Variants in HFM1 observed in about 807,000 individuals in gnomAD.
HFM1 encodes probable ATP-dependent DNA helicase HFM1.
Under a neutral mutation model 192.1 loss-of-function variants are expected in HFM1, and 169 were observed. The observed-to-expected ratio is 0.88, with a 90% CI of 0.78 to 1.00. The LOEUF is 1.00. Ranked by LOEUF, HFM1 falls within the 50% of genes least tolerant of loss-of-function variation. The probability of loss-of-function intolerance (pLI) is 0.00; values close to 1 mark genes in which losing one functional copy is unlikely to be tolerated. For missense variants in HFM1, 1,661 were observed against 1,668.0 expected, an observed-to-expected ratio of 1.00 and a Z score of 0.07; for synonymous variants, 525 against 537.8, an observed-to-expected ratio of 0.98 and a Z score of 0.33.
chr1:91,281,966 T>G (rs1667499185), intron 30 of HFM1, among the ~76,000 whole-genome samples: 1 of 152,262 alleles, frequency 6.6e-6, no homozygotes, highest in South Asian at 2.1e-4. Context: ...ATTTTTAAAT[T>G]TTTGTGCCTC....
intron 5 of HFM1, 73 bp from the exon 6 acceptor site, chr1:91,385,307 G>T: frequency 2.1e-6 from 2 of 936,544 alleles, no homozygotes; most frequent in South Asian, 1.5e-5. Context: ...GACCTGAAAT[G>T]AATATTTTTA....
At chr1:91,373,065 A>C (rs1660445837) in intron 13 of HFM1, among the ~76,000 whole-genome samples, 1 of 152,172 alleles carries the variant, frequency 6.6e-6, no homozygotes, top group African/African-American at 2.4e-5. Flanking sequence ...GAAAAGTGTC[A>C]AAATAGTATC....
At position 91,351,649 on chromosome 1, in the gene HFM1, G is replaced by A. The variant is rs748207089; in HGVS notation, c.1978-6C>T. On this transcript the variant is annotated splice_polypyrimidine_tract_variant and splice_region_variant and intron_variant, in intron 16 of 38. Transcript: ENST00000370425. ...GCAGTAGCTGTAGTGTCAAACTGGG[G>A]AGAAAACAAACAGAAATTTAGTGAA... 3.9e-6 allele frequency: 6 copies of A among 1,535,636 alleles called. No individual in the cohort carries two copies. Among genetic ancestry groups the A allele is most frequent in the Non-Finnish European group, 4.5e-6 (5 of 1,122,018 alleles).
intron 3 of HFM1, among the ~76,000 whole-genome samples, chr1:91,396,025 A>C (rs1310152218): frequency 6.6e-6 from 1 of 151,682 alleles, no homozygotes; most frequent in Non-Finnish European, 1.5e-5. Context: ...GTTTTTTTGT[A>C]TTTTTAGTAG....
At chr1:91,343,326 G>T in intron 20 of HFM1, 104 bp downstream of exon 20, 1 of 529,358 alleles carries the variant, frequency 1.9e-6, no homozygotes, top group East Asian at 3.8e-5. Context: ...TGAGAACTGA[G>T]ATCACAATTT....
chr1:91,296,877 CA>C (rs1647677549), intron 30 of HFM1, among the ~76,000 whole-genome samples: 1 of 152,180 alleles, frequency 6.6e-6, no homozygotes, highest in East Asian at 1.9e-4. Context: ...ATGCAGAAGA[CA>C]GGTGATTTCT....
At chr1:91,302,156 T>C (rs1268466642) in intron 30 of HFM1, among the ~76,000 whole-genome samples, 1 of 151,242 alleles carries the variant, frequency 6.6e-6, no homozygotes, top group Non-Finnish European at 1.5e-5. Flanking sequence ...AGAAGACATT[T>C]ATGCAGCCAA....
chr1:91,347,400 T>C (rs763034239), intron 19 of HFM1, 29 bp downstream of exon 19: 2 of 1,327,938 alleles, frequency 1.5e-6, no homozygotes, highest in Admixed American at 2.0e-5. Context: ...ATATATAGAA[T>C]CTAATTTTTA....
chr1:91,384,668 C>T (rs1414926376), intron 6 of HFM1, among the ~76,000 whole-genome samples: 1 of 152,016 alleles, frequency 6.6e-6, no homozygotes, highest in African/African-American at 2.4e-5. Context: ...CTTAATTTGC[C>T]ATAAACTGAT....
intron 11 of HFM1, among the ~76,000 whole-genome samples, chr1:91,376,014 T>TTAC (rs1660863575): frequency 3.0e-5 from 3 of 101,396 alleles, no homozygotes; most frequent in African/African-American, 7.4e-5. Context: ...AGAAAAATTA[T>TTAC]CAATTTTGTC....
chr1:91,291,045 C>G (rs1668685566), intron 30 of HFM1, among the ~76,000 whole-genome samples: 1 of 151,980 alleles, frequency 6.6e-6, no homozygotes, highest in South Asian at 2.1e-4. Context: ...GGGACACATT[C>G]AAAGCAGTGT....
chr1:91,336,638 G>A (rs978047087), intron 20 of HFM1, among the ~76,000 whole-genome samples: 1 of 152,206 alleles, frequency 6.6e-6, no homozygotes, highest in Non-Finnish European at 1.5e-5. Context: ...TGGTGGGAGT[G>A]TAAATAAGTT....
intron 13 of HFM1, among the ~76,000 whole-genome samples, chr1:91,369,954 T>C (rs950356784): frequency 4.0e-4 from 61 of 152,170 alleles, no homozygotes; most frequent in African/African-American, 1.4e-3. Context: ...CAGAGAATAC[T>C]ATAAACACCT....
chr1:91,352,214 C>A (rs1456657158), intron 16 of HFM1, among the ~76,000 whole-genome samples: 4 of 150,352 alleles, frequency 2.7e-5, no homozygotes, highest in Non-Finnish European at 5.9e-5. Context: ...CTAAGAGTAC[C>A]CCCATTCAGA....
intron 36 of HFM1, among the ~76,000 whole-genome samples, chr1:91,263,074 T>C (rs1484482912): frequency 6.6e-6 from 1 of 152,160 alleles, no homozygotes; most frequent in East Asian, 1.9e-4. Context: ...TGCCAGATAT[T>C]GTACTAGAAG....
At chr1:91,379,885 A>G (rs889585989) in intron 8 of HFM1, among the ~76,000 whole-genome samples, 1 of 152,162 alleles carries the variant, frequency 6.6e-6, no homozygotes, top group Non-Finnish European at 1.5e-5. Context: ...CCTTTAAAAA[A>G]TAAGCATGTA....
At position 91,324,738 on chromosome 1, in the gene HFM1, A is replaced by G. The variant is rs2101378978; in HGVS notation, c.2364T>C (p.Tyr788=). 6.4e-7 allele frequency: 1 copy of G among 1,574,424 alleles called. No individual in the cohort carries two copies. Among genetic ancestry groups the G allele is most frequent in the Non-Finnish European group, 8.7e-7 (1 of 1,144,170 alleles). ...ATTTCTTCACTGTCTCAAATGTAAT[A>G]TAATACCAAGCCATCAATCTTCCTG... is the stretch of plus-strand genomic sequence containing the variant. The part of the protein sequence containing the change: ...TEAGRLMAWY[Y]ITFETVKKFY... The change falls in exon 21 of 39, where the codon TAT becomes TAC. Residue 788 remains tyrosine, a synonymous_variant. Coordinates refer to ENST00000370425, the MANE Select transcript of HFM1 (RefSeq NM_001017975.6).
intron 13 of HFM1, among the ~76,000 whole-genome samples, chr1:91,366,300 T>C (rs1263641214): frequency 6.6e-6 from 1 of 152,246 alleles, no homozygotes; most frequent in Non-Finnish European, 1.5e-5. Context: ...CAGATATTTC[T>C]ATGTGAATCA....
At chr1:91,293,479 C>A (rs1228788903) in intron 30 of HFM1, among the ~76,000 whole-genome samples, 3 of 151,850 alleles carry the variant, frequency 2.0e-5, no homozygotes, top group South Asian at 4.2e-4. Context: ...CAGAGAAATG[C>A]AAATCAAAAC....
Sources: gnomAD v4.1 joint callset for allele counts (sites outside exome capture counted in the v4.1 genomes callset) on GRCh38, gnomAD v4.1.1 for gene constraint, MANE v1.5 for transcripts, NCBI Gene and HGNC (gene_info 2026-07-23, HGNC 2026-07-21) for gene names.